The following PHF10 variants were observed in gnomAD, a reference collection of about 807,000 sequenced individuals.
PHF10 encodes the protein BRG1-associated factor 45a.
In PHF10, 51 loss-of-function variants were observed where a neutral mutation model predicts 68.5. That is an observed-to-expected ratio of 0.74 (90% confidence interval 0.59 to 0.94). The LOEUF (loss-of-function observed/expected upper bound fraction) is 0.94, where lower values mean the gene tolerates loss of function less well. PHF10 is among the 40% of genes least tolerant of loss of function. PHF10 has a pLI of 0.00. For missense variants in PHF10, 460 were observed against 602.6 expected (o/e 0.76, Z 2.48); for synonymous variants, 204 against 203.5 (o/e 1.00, Z -0.02).
chr6:169,704,093 GA>G lies in PHF10; in HGVS notation c.1412-6del, dbSNP rs763941310. The G allele has an allele frequency of 7.6e-6, 12 of 1,571,210 alleles. No individual in the cohort carries two copies. The Admixed American group carries it at 1.7e-4, about 23-fold the overall frequency. On this transcript the variant is annotated splice_region_variant and splice_polypyrimidine_tract_variant and intron_variant, in intron 11 of 11. Transcript: ENST00000339209. Reference sequence around the variant, plus strand: ...AACAGTCACAAATCCAGCGACCTAGGAAAAAAATTGTTAATATAGAATGAAA... The same window carrying G: ...AACAGTCACAAATCCAGCGACCTAGGAAAAAATTGTTAATATAGAATGAAA...
At chr6:169,704,483 GTGTACTCTGC>G (rs1488311936) in intron 11 of PHF10, 1 of 193,144 alleles carries the variant, frequency 5.2e-6, no homozygotes, top group Non-Finnish European at 1.2e-5. Context: ...TCAAGTCCTG[GTGTACTCTGC>G]TGACAGCACT....
intron 2 of PHF10, among the ~76,000 whole-genome samples, chr6:169,719,497 T>A (rs1245154844): frequency 6.6e-6 from 1 of 152,080 alleles, no homozygotes; most frequent in Non-Finnish European, 1.5e-5. Flanking sequence ...AGTAACAGAG[T>A]ACAGATTTCA....
rs770510704 is a variant in PHF10 at position 169,716,074 on chromosome 6, G to A, written c.424C>T (p.Arg142Cys). 8 of 1,594,138 alleles carry A rather than the reference G, an allele frequency of 5.0e-6. No individual in the cohort carries two copies. Among genetic ancestry groups the A allele is most frequent in the African/African-American group, 4.1e-5 (3 of 73,838 alleles). ...ATTAAATCAATCACTTCATCACTGC[G>A]CAATGCTGTTAAGCCTATTTTAGAC... ...TQCTLGLTALRSDEVIDLMIK... is the reference protein window; with the variant it reads ...TQCTLGLTALCSDEVIDLMIK... The change falls in exon 5 of 12, where the codon CGC (arginine) becomes TGC (cysteine). Residue 142 changes from arginine (R) to cysteine (C), a missense_variant. Around this residue, in one of 3 missense-constraint regions of PHF10, gnomAD observed 256 missense variants for 410.5 expected, o/e 0.62. Transcript: ENST00000339209.
chr6:169,704,805 A>G, intron 11 of PHF10: 1 of 209,802 alleles, frequency 4.8e-6, no homozygotes. Flanking sequence ...ATAAAGACGT[A>G]GCAGTCATTT....
intron 1 of PHF10, among the ~76,000 whole-genome samples, 153 bp downstream of exon 1, chr6:169,723,692 C>A (rs1789241748): frequency 1.3e-5 from 2 of 151,882 alleles, no homozygotes; most frequent in Admixed American, 1.3e-4. Flanking sequence ...CCTCGGGGCC[C>A]CGCCTCGCCG....
At chr6:169,722,268 T>C (rs182653655) in intron 1 of PHF10, among the ~76,000 whole-genome samples, 131 of 152,330 alleles carry the variant, frequency 8.6e-4, no homozygotes, top group Non-Finnish European at 9.8e-4. Context: ...TCAGTCCTTA[T>C]AAAATAAGCA....
chr6:169,722,395 C>T (rs1481989805), intron 1 of PHF10, among the ~76,000 whole-genome samples: 1 of 152,122 alleles, frequency 6.6e-6, no homozygotes, highest in Non-Finnish European at 1.5e-5. Flanking sequence ...TTTAAACATT[C>T]CAGTATTTTT....
chr6:169,719,008 GTATT>G (rs878885409), intron 2 of PHF10, 90 bp from the exon 3 acceptor site: 1 of 881,606 alleles, frequency 1.1e-6, no homozygotes, highest in South Asian at 1.7e-5. Flanking sequence ...ACTATTTTAA[GTATT>G]TAAATTATTT....
intron 7 of PHF10, among the ~76,000 whole-genome samples, chr6:169,714,058 T>G (rs1366246421): frequency 6.6e-6 from 1 of 151,942 alleles, no homozygotes; most frequent in Non-Finnish European, 1.5e-5. Context: ...GAGGCAGAGG[T>G]TGCAGTGAGC....
intron 8 of PHF10, among the ~76,000 whole-genome samples, chr6:169,711,293 A>C (rs1441148876): frequency 6.6e-6 from 1 of 152,210 alleles, no homozygotes; most frequent in Non-Finnish European, 1.5e-5. Flanking sequence ...CAATCATTAA[A>C]TATTCTTTGA....
chr6:169,712,564 G>T, intron 7 of PHF10, 25 bp from the exon 8 acceptor site: 1 of 1,588,186 alleles, frequency 6.3e-7, no homozygotes, highest in Non-Finnish European at 8.5e-7. Context: ...GTTTATTTTT[G>T]GTTTCCCTTT....
At chr6:169,716,990 A>G (rs1184792960) in intron 4 of PHF10, among the ~76,000 whole-genome samples, 1 of 152,242 alleles carries the variant, frequency 6.6e-6, no homozygotes, top group East Asian at 1.9e-4. Flanking sequence ...ATGGTGGCTC[A>G]TGCCTGTAAT....
chr6:169,718,542 C>T (rs1214923729), intron 3 of PHF10, among the ~76,000 whole-genome samples: 1 of 152,104 alleles, frequency 6.6e-6, no homozygotes, highest in Non-Finnish European at 1.5e-5. Flanking sequence ...TCGTGGTGCA[C>T]ACCTGTAGTC....
intron 11 of PHF10, chr6:169,704,854 T>C (rs889523693): frequency 6.6e-6 from 2 of 305,080 alleles, no homozygotes; most frequent in African/African-American, 4.3e-5. Flanking sequence ...AATAAAGGCT[T>C]TGTTACTTTA....
chr6:169,705,397 C>T, intron 10 of PHF10, 76 bp from the exon 11 acceptor site: 1 of 1,014,536 alleles, frequency 9.9e-7, no homozygotes, highest in Non-Finnish European at 1.5e-6. Context: ...TACTAGTTTG[C>T]TTTAGGACTT....
chr6:169,714,130 A>G (rs1447414101), intron 7 of PHF10, among the ~76,000 whole-genome samples: 3 of 152,158 alleles, frequency 2.0e-5, no homozygotes, highest in Non-Finnish European at 4.4e-5. Context: ...AAAAAAAAAA[A>G]AGAATCTGTT....
rs186789952 is a variant in PHF10, at chr6:169,707,527, A to G, written c.1114-1803T>C. 7 of 152,268 alleles carry G rather than the reference A, an allele frequency of 4.6e-5. No homozygotes were observed. The East Asian group carries it at 1.3e-3, about 29-fold the overall frequency. The allele number at this position is 152,268 out of a possible 1,614,324, so 9.4% of individuals were successfully genotyped here. On this transcript the variant is annotated intron_variant, in intron 9 of 11. Transcript: ENST00000339209. ...CTAATAGTTTAAGTTAGATACTGGCATAGTAAATACTCTAATATCTTTCAC... is the reference window on the plus strand; with the variant it reads ...CTAATAGTTTAAGTTAGATACTGGCGTAGTAAATACTCTAATATCTTTCAC...
chr6:169,723,339 G>A (rs1789225977), intron 1 of PHF10, among the ~76,000 whole-genome samples: 2 of 152,166 alleles, frequency 1.3e-5, no homozygotes, highest in South Asian at 4.1e-4. Flanking sequence ...AGTTTTAACA[G>A]ACTTCCGCTG....
At chr6:169,717,939 C>G (rs1270774591) in intron 3 of PHF10, 33 bp from the exon 4 acceptor site, 1 of 1,068,630 alleles carries the variant, frequency 9.4e-7, no homozygotes, top group Non-Finnish European at 1.4e-6. Flanking sequence ...CTATTAAAAA[C>G]AGCAAAACCT....
Sources: gnomAD v4.1 joint callset for allele counts (sites outside exome capture counted in the v4.1 genomes callset) on GRCh38, gnomAD v4.1.1 for gene constraint, gnomAD v4.1.1 regional missense constraint, MANE v1.5 for transcripts, NCBI Gene and HGNC (gene_info 2026-07-23, HGNC 2026-07-21) for gene names.